ZFAND3: variants seen among roughly 807,000 people sequenced by gnomAD.
ZFAND3 encodes zinc finger AN1-type containing 3.
Under a neutral mutation model 29.6 loss-of-function variants are expected in ZFAND3, and 10 were observed. The ratio of observed to expected loss-of-function variants is 0.34; its 90% CI spans 0.21 to 0.57. The LOEUF is 0.57. Among genes scored for constraint, ZFAND3 ranks in the 20% least tolerant of loss-of-function variants. The pLI, the probability that ZFAND3 is intolerant of heterozygous loss-of-function variation, is 0.86. For missense variants in ZFAND3, 230 were observed against 304.5 expected (o/e 0.76, Z 1.82); for synonymous variants, 128 against 112.6 (o/e 1.14, Z -0.87).
At chr6:37,820,503 C>T (rs952150369) in intron 1 of ZFAND3, among the ~76,000 whole-genome samples, 2 of 152,230 alleles carry the variant, frequency 1.3e-5, no homozygotes, top group Admixed American at 1.3e-4. Flanking sequence ...TAGATTATAT[C>T]CCAGTGCCCC....
At chr6:37,955,407 C>T (rs775431560) in intron 2 of ZFAND3, among the ~76,000 whole-genome samples, 2 of 152,156 alleles carry the variant, frequency 1.3e-5, no homozygotes, top group African/African-American at 4.8e-5. Context: ...TTTTAAGGGA[C>T]TTTCCGCTGT....
intron 1 of ZFAND3, among the ~76,000 whole-genome samples, chr6:37,899,697 T>G (rs1261834769): frequency 3.3e-5 from 5 of 152,346 alleles, no homozygotes. Context: ...AAATAAAATT[T>G]CTTTACAATT....
intron 2 of ZFAND3, among the ~76,000 whole-genome samples, chr6:37,979,567 C>G (rs964031942): frequency 1.3e-5 from 2 of 152,138 alleles, no homozygotes; most frequent in Admixed American, 6.5e-5. Flanking sequence ...ATAAAACCTT[C>G]TTGAGTACTC....
intron 2 of ZFAND3, among the ~76,000 whole-genome samples, chr6:37,979,628 G>A (rs1439726774): frequency 2.0e-5 from 3 of 152,154 alleles, no homozygotes; most frequent in Non-Finnish European, 2.9e-5. Context: ...TTGGGCACAG[G>A]CACTATTCCT....
chr6:37,888,865 A>C (rs1461588495), intron 1 of ZFAND3, among the ~76,000 whole-genome samples: 1 of 152,240 alleles, frequency 6.6e-6, no homozygotes, highest in Non-Finnish European at 1.5e-5. Flanking sequence ...TTAAGTGCAA[A>C]CTTATATTTT....
At chr6:37,951,885 A>T (rs978644314) in intron 2 of ZFAND3, among the ~76,000 whole-genome samples, 7 of 152,128 alleles carry the variant, frequency 4.6e-5, no homozygotes, top group African/African-American at 1.7e-4. Context: ...AGTTTGTTGA[A>T]GGTTTTTAAC....
At chr6:37,921,723 A>G (rs1761382864) in intron 1 of ZFAND3, among the ~76,000 whole-genome samples, 1 of 152,088 alleles carries the variant, frequency 6.6e-6, no homozygotes, top group South Asian at 2.1e-4. Flanking sequence ...CAACATAATC[A>G]TTTCTGCCAT....
intron 4 of ZFAND3, among the ~76,000 whole-genome samples, chr6:38,096,552 C>A (rs183340700): frequency 2.7e-4 from 41 of 152,300 alleles, no homozygotes; most frequent in Admixed American, 2.5e-3. Flanking sequence ...ATTCAAGATG[C>A]GAATACTTGC....
intron 1 of ZFAND3, among the ~76,000 whole-genome samples, chr6:37,833,824 C>CAAA (rs55733520): frequency 1.9e-4 from 13 of 68,006 alleles, no homozygotes; most frequent in East Asian, 3.9e-4. Flanking sequence ...GACACTGTCT[C>CAAA]AAAAAAAAAA....
chr6:38,015,788 G>A (rs1369567264), intron 2 of ZFAND3, among the ~76,000 whole-genome samples: 1 of 152,168 alleles, frequency 6.6e-6, no homozygotes, highest in African/African-American at 2.4e-5. Flanking sequence ...CCAAATTTAG[G>A]ATAGCAGTTA....
chr6:37,909,127 G>T (rs1160624718), intron 1 of ZFAND3, among the ~76,000 whole-genome samples: 1 of 152,028 alleles, frequency 6.6e-6, no homozygotes, highest in South Asian at 2.1e-4. Flanking sequence ...GATGGATTTT[G>T]TTTTAGAAGT....
intron 1 of ZFAND3, among the ~76,000 whole-genome samples, chr6:37,862,725 A>G (rs917158611): frequency 5.3e-5 from 8 of 150,338 alleles, no homozygotes; most frequent in African/African-American, 2.0e-4. Context: ...AAACAAAACA[A>G]AAAAAAAACA....
At chr6:37,973,196 A>G (rs1762420294) in intron 2 of ZFAND3, among the ~76,000 whole-genome samples, 1 of 152,132 alleles carries the variant, frequency 6.6e-6, no homozygotes, top group African/African-American at 2.4e-5. Flanking sequence ...CCCATAGATG[A>G]TTGATGGTGC....
chr6:37,959,150 C>G (rs1028281551), intron 2 of ZFAND3, among the ~76,000 whole-genome samples: 15 of 152,212 alleles, frequency 9.9e-5, no homozygotes, highest in Non-Finnish European at 5.9e-5. Context: ...TGCTTAAATG[C>G]AAGACTTTGC....
At chr6:37,965,277 ACTGGTCT>A (rs1762272849) in intron 2 of ZFAND3, among the ~76,000 whole-genome samples, 1 of 152,186 alleles carries the variant, frequency 6.6e-6, no homozygotes. Context: ...TTGACCAGTT[ACTGGTCT>A]ATTTTTTTAG....
At chr6:38,070,189 C>T (rs981265883) in intron 3 of ZFAND3, among the ~76,000 whole-genome samples, 1 of 152,224 alleles carries the variant, frequency 6.6e-6, no homozygotes, top group South Asian at 2.1e-4. Context: ...CTTTGGGAGG[C>T]TGAGGTGGGC....
intron 2 of ZFAND3, among the ~76,000 whole-genome samples, chr6:38,019,918 GTATGGTGGCCAGGC>G (rs1045478502): frequency 1.3e-5 from 2 of 152,218 alleles, no homozygotes; most frequent in Admixed American, 1.3e-4. Context: ...GACGGTTTCA[GTATGGTGGCCAGGC>G]TGGTCTCAAA....
intron 5 of ZFAND3, among the ~76,000 whole-genome samples, chr6:38,138,511 T>A (rs1409677442): frequency 1.3e-5 from 2 of 152,124 alleles, no homozygotes; most frequent in African/African-American, 2.4e-5. Context: ...ACGCCTGAGC[T>A]CTAGCAGCCT....
chr6:37,954,573 T>G (rs1762052773), intron 2 of ZFAND3, among the ~76,000 whole-genome samples: 1 of 151,584 alleles, frequency 6.6e-6, no homozygotes. Context: ...ATATAGTTAT[T>G]CCGTATGTTT....
Sources: allele counts gnomAD v4.1 joint callset (sites outside exome capture counted in the v4.1 genomes callset), GRCh38; gene constraint gnomAD v4.1.1; transcripts MANE v1.5; gene names NCBI Gene and HGNC (gene_info 2026-07-23, HGNC 2026-07-21).